The following CACNA1C variants were observed in gnomAD, a reference collection of about 807,000 sequenced individuals.
CACNA1C encodes the protein calcium voltage-gated channel subunit alpha1 C, also known as voltage-dependent L-type calcium channel subunit alpha-1C.
CACNA1C carries 30 observed loss-of-function variants against 229.0 expected under a neutral mutation model. The ratio of observed to expected loss-of-function variants is 0.13; its 90% CI spans 0.10 to 0.18. The LOEUF (loss-of-function observed/expected upper bound fraction) is 0.18, where lower values mean the gene tolerates loss of function less well. CACNA1C is among the 10% of genes least tolerant of loss of function. The probability of loss-of-function intolerance (pLI) is 1.00; values close to 1 mark genes in which losing one functional copy is unlikely to be tolerated. For synonymous variants in CACNA1C, 1,114 were observed against 1,132.5 expected (o/e 0.98, Z 0.33); for missense variants, 1,658 against 2,845.0 (o/e 0.58, Z 9.49).
intron 3 of CACNA1C, among the ~76,000 whole-genome samples, chr12:2,407,320 G>A (rs1338482473): frequency 2.0e-5 from 3 of 148,492 alleles, no homozygotes; most frequent in Non-Finnish European, 4.5e-5. Context: ...GGGAAGGAAC[G>A]TCCTTTTGAT....
intron 3 of CACNA1C, among the ~76,000 whole-genome samples, chr12:2,439,149 A>T (rs1341134663): frequency 6.6e-6 from 1 of 152,230 alleles, no homozygotes; most frequent in African/African-American, 2.4e-5. Context: ...AAGTAGCCTT[A>T]TGAGGACCTG....
At chr12:2,115,119 T>G in intron 1 of CACNA1C, 105 bp from the exon 2 acceptor site, 34 of 902,732 alleles carry the variant, frequency 3.8e-5, no homozygotes, top group Non-Finnish European at 5.4e-5. Flanking sequence ...TGCAATAGCT[T>G]GAAATAAGGT....
At chr12:2,553,182 C>T (rs967835566) in intron 10 of CACNA1C, among the ~76,000 whole-genome samples, 3 of 152,170 alleles carry the variant, frequency 2.0e-5, no homozygotes, top group Non-Finnish European at 4.4e-5. Context: ...GCCTCAGCCT[C>T]GTCCTCTGGG....
intron 13 of CACNA1C, 87 bp from the exon 14 acceptor site, chr12:2,581,503 A>C: frequency 8.2e-7 from 1 of 1,219,656 alleles, no homozygotes; most frequent in South Asian, 1.6e-5. Context: ...CTCCTCTGAG[A>C]ACCTGCAGTG....
At chr12:2,369,695 C>T (rs995018927) in intron 3 of CACNA1C, among the ~76,000 whole-genome samples, 15 of 152,242 alleles carry the variant, frequency 9.9e-5, no homozygotes, top group Middle Eastern at 3.4e-3. Flanking sequence ...TGAGCCACCA[C>T]GCCCAGCCTA....
chr12:2,621,806 G>A, intron 29 of CACNA1C, among the ~76,000 whole-genome samples: 1 of 152,142 alleles, frequency 6.6e-6, no homozygotes, highest in East Asian at 1.9e-4. Flanking sequence ...AAATAGAGAA[G>A]AACAGGAAGA....
intron 3 of CACNA1C, among the ~76,000 whole-genome samples, chr12:2,228,448 C>G (rs2063693396): frequency 6.6e-6 from 1 of 152,206 alleles, no homozygotes; most frequent in African/African-American, 2.4e-5. Flanking sequence ...TGTCCTTCTG[C>G]TTCTCTCCAA....
chr12:2,014,066 C>T (rs1321343010), intron 1 of CACNA1C, among the ~76,000 whole-genome samples: 1 of 152,118 alleles, frequency 6.6e-6, no homozygotes. Context: ...TTGACCTTCC[C>T]CTGCTGCTAT....
At chr12:2,019,920 A>C (rs143189519) in intron 1 of CACNA1C, 1 of 152,336 alleles carries the variant, frequency 6.6e-6, no homozygotes, top group Non-Finnish European at 1.5e-5. Flanking sequence ...GTTTCTTACT[A>C]TGCAGCATTG....
At chr12:2,587,951 T>C (rs1188555622) in intron 18 of CACNA1C, among the ~76,000 whole-genome samples, 1 of 152,198 alleles carries the variant, frequency 6.6e-6, no homozygotes, top group Non-Finnish European at 1.5e-5. Flanking sequence ...TTCCAGGTCC[T>C]CATCCAGGAG....
At chr12:2,198,546 T>G (rs2097488563) in intron 3 of CACNA1C, among the ~76,000 whole-genome samples, 1 of 152,218 alleles carries the variant, frequency 6.6e-6, no homozygotes, top group Admixed American at 6.5e-5. Flanking sequence ...CACCAAATTG[T>G]GAGGACTTCG....
At chr12:2,413,011 C>T (rs1043604059) in intron 3 of CACNA1C, among the ~76,000 whole-genome samples, 7 of 152,136 alleles carry the variant, frequency 4.6e-5, no homozygotes, top group East Asian at 1.9e-4. Context: ...GTTCTTGGGC[C>T]GACCCAATGC....
chr12:2,105,666 C>G (rs7954323), intron 1 of CACNA1C, among the ~76,000 whole-genome samples: 6,192 of 33,188 alleles, frequency 0.19, 114 homozygotes, highest in Non-Finnish European at 0.24. Context: ...GCTGGGCATC[C>G]TGAAGCCACT....
At chr12:2,137,764 A>G (rs1485970450) in intron 3 of CACNA1C, among the ~76,000 whole-genome samples, 1 of 151,250 alleles carries the variant, frequency 6.6e-6, no homozygotes, top group Non-Finnish European at 1.5e-5. Flanking sequence ...TTAGAGATGC[A>G]AAAGAACTAG....
chr12:2,071,627 C>A (rs1213389522), intron 1 of CACNA1C, among the ~76,000 whole-genome samples: 3 of 152,136 alleles, frequency 2.0e-5, no homozygotes, highest in African/African-American at 7.2e-5. Flanking sequence ...TTTACTCTTT[C>A]TTTTAAATGT....
At chr12:2,136,012 C>A (rs562608930) in intron 3 of CACNA1C, among the ~76,000 whole-genome samples, 6 of 150,424 alleles carry the variant, frequency 4.0e-5, no homozygotes, top group Admixed American at 6.7e-5. Context: ...TCTCGTGGTG[C>A]GCCGTTTTTT....
rs887340283 is a variant in CACNA1C, at chr12:2,689,783, G to C, written c.6117+1004G>C. ...GTGCAGGCCCTGTTCTAGGTACAGG[G>C]ACACAGCTGAGAAACAGAGCTTCTG... On this transcript the variant is annotated intron_variant, in intron 46 of 46. Transcript: ENST00000399655. This position sits in a 1 kb window ranked among gnomAD's most constrained non-coding sequence, Gnocchi z 4.2. 1 of 152,192 alleles carries C rather than the reference G, an allele frequency of 6.6e-6. No homozygotes were observed. The highest frequency in any genetic ancestry group is 1.5e-5 in the Non-Finnish European group (1 of 68,072). 9.4% of individuals were successfully genotyped at this position (152,192 alleles called of 1,614,324 possible).
At chr12:2,362,050 T>C (rs1415188028) in intron 3 of CACNA1C, among the ~76,000 whole-genome samples, 2 of 152,346 alleles carry the variant, frequency 1.3e-5, no homozygotes, top group East Asian at 3.9e-4. Context: ...TTAGACATCG[T>C]ATGTATTAGG....
chr12:2,641,241 A>G (rs542589088), intron 30 of CACNA1C, among the ~76,000 whole-genome samples: 1 of 152,330 alleles, frequency 6.6e-6, no homozygotes, highest in South Asian at 2.1e-4. Flanking sequence ...CCGCTGTGTG[A>G]TGTTGCTTGA....
Sources: allele counts gnomAD v4.1 joint callset (sites outside exome capture counted in the v4.1 genomes callset), GRCh38; gene constraint gnomAD v4.1.1; non-coding constraint Gnocchi (gnomAD v3.1); transcripts MANE v1.5; gene names NCBI Gene and HGNC (gene_info 2026-07-23, HGNC 2026-07-21).